KCNH1: variants seen among roughly 807,000 people sequenced by gnomAD.
KCNH1 encodes the protein voltage-gated delayed rectifier potassium channel KCNH1.
Under a neutral mutation model 69.2 loss-of-function variants are expected in KCNH1, and 27 were observed. That is an observed-to-expected ratio of 0.39 (90% CI 0.29 to 0.54). The LOEUF (loss-of-function observed/expected upper bound fraction) is 0.54. Ranked by LOEUF, KCNH1 falls within the 20% of genes least tolerant of loss-of-function variation. The pLI, the probability that KCNH1 is intolerant of heterozygous loss-of-function variation, is 0.68. For missense variants in KCNH1, 798 were observed against 1,261.6 expected, an observed-to-expected ratio of 0.63 and a Z score of 5.57; for synonymous variants, 456 against 487.7, an observed-to-expected ratio of 0.93 and a Z score of 0.86.
intron 6 of KCNH1, among the ~76,000 whole-genome samples, chr1:211,007,787 A>G (rs1388502530): frequency 6.6e-6 from 1 of 152,248 alleles, no homozygotes; most frequent in African/African-American, 2.4e-5. Flanking sequence ...GAGGAAGAAG[A>G]AAAACTAATA....
chr1:210,987,851 C>A (rs1478740906), intron 6 of KCNH1, among the ~76,000 whole-genome samples: 2 of 152,174 alleles, frequency 1.3e-5, no homozygotes, highest in Non-Finnish European at 2.9e-5. Context: ...TTACTGCTGC[C>A]TTTTGATTGT....
intron 1 of KCNH1, among the ~76,000 whole-genome samples, chr1:211,112,501 TAAA>T (rs74258707): frequency 0.27 from 34,474 of 126,646 alleles, 4,697 homozygotes; most frequent in African/African-American, 0.4. Context: ...ATTAAATAAA[TAAA>T]AAAAAAAAAA....
intron 5 of KCNH1, among the ~76,000 whole-genome samples, chr1:211,067,980 C>T (rs1454715475): frequency 1.3e-5 from 2 of 152,194 alleles, no homozygotes; most frequent in East Asian, 3.9e-4. Flanking sequence ...TACTTGCTTC[C>T]TTCTTTTCTT....
chr1:210,909,618 T>C (rs1389260288), intron 7 of KCNH1, among the ~76,000 whole-genome samples: 1 of 152,258 alleles, frequency 6.6e-6, no homozygotes, highest in Non-Finnish European at 1.5e-5. Context: ...TCCATACCCA[T>C]GCTTGTCTCC....
At chr1:211,073,164 T>C (rs1690677443) in intron 5 of KCNH1, among the ~76,000 whole-genome samples, 2 of 151,892 alleles carry the variant, frequency 1.3e-5, no homozygotes, top group African/African-American at 4.8e-5. Flanking sequence ...GAGTCAATTC[T>C]CAAAAAAGAC....
At chr1:211,046,268 A>C (rs1571604599) in intron 5 of KCNH1, among the ~76,000 whole-genome samples, 2 of 152,330 alleles carry the variant, frequency 1.3e-5, no homozygotes, top group East Asian at 1.9e-4. Context: ...ACATTCTTAA[A>C]ATACTATTAT....
At chr1:210,738,510 C>A (rs939877536) in intron 10 of KCNH1, among the ~76,000 whole-genome samples, 26 of 150,434 alleles carry the variant, frequency 1.7e-4, no homozygotes, top group Non-Finnish European at 2.4e-4. Context: ...AGCAGTAATG[C>A]CCTGATAACA....
At chr1:210,859,400 C>G in intron 7 of KCNH1, 2 of 1,590,222 alleles carry the variant, frequency 1.3e-6, no homozygotes, top group Non-Finnish European at 1.7e-6. Flanking sequence ...TGAAAGATAG[C>G]TTTAAATACC....
At chr1:210,826,646 A>T (rs753264113) in intron 7 of KCNH1, among the ~76,000 whole-genome samples, 16 of 152,260 alleles carry the variant, frequency 1.1e-4, no homozygotes, top group Non-Finnish European at 2.2e-4. Flanking sequence ...TTCAGCCTTC[A>T]GGATTTCATT....
At chr1:210,811,081 G>T (rs1303283494) in intron 7 of KCNH1, among the ~76,000 whole-genome samples, 1 of 152,154 alleles carries the variant, frequency 6.6e-6, no homozygotes, top group African/African-American at 2.4e-5. Flanking sequence ...GGGAGAGAAA[G>T]GTTGAAGGTT....
intron 1 of KCNH1, among the ~76,000 whole-genome samples, chr1:211,123,649 A>C (rs1691726428): frequency 6.6e-6 from 1 of 152,190 alleles, no homozygotes; most frequent in Non-Finnish European, 1.5e-5. Flanking sequence ...AGACAGATGG[A>C]GAAAGGAGAG....
intron 9 of KCNH1, among the ~76,000 whole-genome samples, chr1:210,788,897 C>T (rs935113112): frequency 7.4e-5 from 11 of 148,546 alleles, no homozygotes; most frequent in Non-Finnish European, 1.3e-4. Context: ...GGGGTTTCAC[C>T]GTTTTAGCCG....
chr1:211,120,381 G>A (rs1691664253), intron 1 of KCNH1, among the ~76,000 whole-genome samples: 1 of 151,806 alleles, frequency 6.6e-6, no homozygotes, highest in African/African-American at 2.4e-5. Context: ...GTAGAGACGG[G>A]ATTTCACCAT....
chr1:210,981,372 C>CA (rs10684074), intron 6 of KCNH1, among the ~76,000 whole-genome samples: 32,366 of 85,534 alleles, frequency 0.38, 5,784 homozygotes, highest in East Asian at 0.66. Flanking sequence ...GTAACAACGA[C>CA]AAAAAAAAAA....
In KCNH1 at chr1:210,813,450, G is replaced by A. The variant is rs189889381; in HGVS notation, c.1463-9284C>T. Among the ~76,000 whole-genome samples the A allele has an allele frequency of 2.5e-3, 381 of 152,344 alleles. 5 individuals carry two copies. The highest frequency in any genetic ancestry group is 8.3e-3 in the African/African-American group (345 of 41,586). On this transcript the variant is annotated intron_variant, in intron 7 of 10. Coordinates refer to ENST00000271751, the MANE Select transcript of KCNH1 (RefSeq NM_172362.3). Reference sequence around the variant, plus strand: ...GATGAGGAGGGGCTGAAGAGTAAGTGTAGACAAGGGGAGAGTGTGAGGGGG... The same window carrying A: ...GATGAGGAGGGGCTGAAGAGTAAGTATAGACAAGGGGAGAGTGTGAGGGGG...
chr1:210,938,541 A>G (rs1687820931), intron 6 of KCNH1, among the ~76,000 whole-genome samples: 1 of 152,196 alleles, frequency 6.6e-6, no homozygotes, highest in African/African-American at 2.4e-5. Flanking sequence ...AGTTTAGCAA[A>G]TGAGACTCTT....
chr1:210,898,167 G>A (rs2102531600), intron 7 of KCNH1, among the ~76,000 whole-genome samples: 1 of 152,266 alleles, frequency 6.6e-6, no homozygotes, highest in African/African-American at 2.4e-5. Flanking sequence ...AGTGTTTGTG[G>A]CAGGTATCTC....
rs112014129 is a variant in KCNH1 at position 210,861,518 on chromosome 1, T to C, written c.1463-57352A>G. The stretch of plus-strand genomic sequence containing the variant: ...CTTCTTGCATTTCCATTATGATAAC[T>C]CAGGTCGGTCATCTTCTTCAATTCG... On this transcript the variant is annotated intron_variant, in intron 7 of 10. Coordinates refer to ENST00000271751, the MANE Select transcript of KCNH1 (RefSeq NM_172362.3). The C allele has an allele frequency of 4.5e-4, 351 of 773,426 alleles. 3 individuals carry two copies. In the African/African-American group the frequency reaches 5.3e-3, roughly 12 times the overall value. 47.9% of individuals were successfully genotyped at this position (773,426 alleles called of 1,614,324 possible).
intron 9 of KCNH1, among the ~76,000 whole-genome samples, chr1:210,793,699 G>C (rs182175473): frequency 2.0e-5 from 3 of 152,350 alleles, no homozygotes; most frequent in Admixed American, 2.0e-4. Context: ...AGAGAACAAA[G>C]AGCAAGACAA....
Sources: allele counts gnomAD v4.1 joint callset (sites outside exome capture counted in the v4.1 genomes callset), GRCh38; gene constraint gnomAD v4.1.1; transcripts MANE v1.5; gene names NCBI Gene and HGNC (gene_info 2026-07-23, HGNC 2026-07-21).